Variants in UBE2Q2 observed in about 807,000 individuals in gnomAD.
UBE2Q2 encodes the protein ubiquitin conjugating enzyme E2 Q2.
A neutral mutation model predicts 59.9 loss-of-function variants in UBE2Q2; 54 were observed. That is an observed-to-expected ratio of 0.90 (90% CI 0.72 to 1.13). The LOEUF is 1.13. UBE2Q2 is among the 50% of genes most tolerant of loss of function. The pLI is 0.00. For synonymous variants in UBE2Q2, 165 were observed against 155.2 expected, an observed-to-expected ratio of 1.06 and a Z score of -0.47; for missense variants, 433 against 441.9, an observed-to-expected ratio of 0.98 and a Z score of 0.18.
intron 7 of UBE2Q2, 24 bp downstream of exon 7, chr15:75,878,045 C>T (rs1412354284): frequency 1.2e-6 from 2 of 1,604,430 alleles, no homozygotes; most frequent in Non-Finnish European, 1.7e-6. Flanking sequence ...TAATGCTCAC[C>T]CACTCTTTGC....
chr15:75,877,154 T>A (rs2141628573), intron 6 of UBE2Q2, among the ~76,000 whole-genome samples: 1 of 67,998 alleles, frequency 1.5e-5, no homozygotes, highest in East Asian at 4.0e-4. Flanking sequence ...AGAGTGAGAC[T>A]CTGTCAAAAA....
At chr15:75,875,198 G>C (rs553401339) in intron 5 of UBE2Q2, among the ~76,000 whole-genome samples, 4 of 152,222 alleles carry the variant, frequency 2.6e-5, no homozygotes, top group African/African-American at 9.6e-5. Context: ...TTCACATTTA[G>C]TCTTCATAGC....
Position 75,876,328 on chromosome 15 carries a change from A to G in UBE2Q2, c.673+57A>G, listed in dbSNP as rs1032220285. On this transcript the variant is annotated intron_variant, in intron 6 of 12. Transcript: ENST00000267938. ...GATTCTTCTGCTCTTTTCTATTGTC[A>G]GATTATAAATGTCATTTCTTAAAAC... is the stretch of plus-strand genomic sequence containing the variant. The G allele has an allele frequency of 6.9e-6, 10 of 1,440,264 alleles. No homozygotes were observed. In the Admixed American group the frequency reaches 1.5e-4, roughly 22 times the overall value. 89.2% of individuals were successfully genotyped at this position (1,440,264 alleles called of 1,614,324 possible).
In UBE2Q2 at chr15:75,899,500, G is replaced by C; in HGVS notation, c.*42G>C. On this transcript the variant is annotated 3_prime_UTR_variant, in exon 13 of 13. Coordinates refer to ENST00000267938, the MANE Select transcript of UBE2Q2 (RefSeq NM_173469.4). ...ATGTTTGGACTAATGTTGCTTTAAA[G>C]AAAATCTTTCTAACATGCAGACAAA... 1 of 1,556,224 alleles carries C rather than the reference G, an allele frequency of 6.4e-7. No homozygotes were observed. The highest frequency in any genetic ancestry group is 1.2e-5 in the South Asian group (1 of 84,332).
rs374172432 is a variant in UBE2Q2, at chr15:75,843,642, C to T, written c.-25C>T. On this transcript the variant is annotated 5_prime_UTR_variant, in exon 1 of 13. Transcript: ENST00000267938. ...TCCGCGCCCGGCTCCCCTTCCGCGC[C>T]CCTCCCGCCGGAGATGAGGGGAAGA... 3.0e-4 allele frequency: 470 copies of T among 1,571,108 alleles called. 1 individual carries two copies. In the African/African-American group the frequency reaches 4.7e-3, roughly 16 times the overall value.
At chr15:75,860,303 T>C (rs1338747917) in intron 3 of UBE2Q2, among the ~76,000 whole-genome samples, 1 of 152,216 alleles carries the variant, frequency 6.6e-6, no homozygotes, top group Non-Finnish European at 1.5e-5. Context: ...CCTAGCAATG[T>C]CATCTCCTTA....
chr15:75,889,695 A>G (rs1479211894), intron 9 of UBE2Q2, among the ~76,000 whole-genome samples: 1 of 152,252 alleles, frequency 6.6e-6, no homozygotes, highest in Non-Finnish European at 1.5e-5. Flanking sequence ...AAATTACCAC[A>G]GTTTTTGTTC....
chr15:75,851,931 A>T (rs901603083), intron 1 of UBE2Q2, among the ~76,000 whole-genome samples: 3 of 152,176 alleles, frequency 2.0e-5, no homozygotes, highest in African/African-American at 7.2e-5. Flanking sequence ...GGAGTGCAGT[A>T]GCGTGATCAC....
chr15:75,862,001 C>T (rs944980197), intron 3 of UBE2Q2, among the ~76,000 whole-genome samples: 8 of 152,208 alleles, frequency 5.3e-5, no homozygotes, highest in Admixed American at 6.5e-5. Context: ...CTCATCCTCT[C>T]GGGCCTCTTC....
At chr15:75,877,173 A>AT (rs1898133897) in intron 6 of UBE2Q2, among the ~76,000 whole-genome samples, 4 of 149,142 alleles carry the variant, frequency 2.7e-5, no homozygotes, top group African/African-American at 1.0e-4. Flanking sequence ...AAAAAAAAAA[A>AT]AAAAAAAAAA....
intron 5 of UBE2Q2, among the ~76,000 whole-genome samples, chr15:75,875,228 G>T (rs1321757671): frequency 1.3e-5 from 2 of 152,148 alleles, no homozygotes; most frequent in Non-Finnish European, 2.9e-5. Flanking sequence ...AAATAGGTAT[G>T]CTTCATATTT....
chr15:75,888,346 A>C (rs1898905799), intron 9 of UBE2Q2, among the ~76,000 whole-genome samples: 1 of 152,206 alleles, frequency 6.6e-6, no homozygotes, highest in Non-Finnish European at 1.5e-5. Flanking sequence ...AGAATCATAT[A>C]AAATGTGGCT....
chr15:75,899,145 G>T (rs545216158), intron 12 of UBE2Q2, among the ~76,000 whole-genome samples: 1 of 150,216 alleles, frequency 6.7e-6, no homozygotes, highest in South Asian at 2.1e-4. Flanking sequence ...GCATAGTGGC[G>T]CATGCCTATA....
At chr15:75,877,844 C>A (rs1898171552) in intron 6 of UBE2Q2, 117 bp from the exon 7 acceptor site, 1 of 771,732 alleles carries the variant, frequency 1.3e-6, no homozygotes, top group Non-Finnish European at 2.1e-6. Context: ...CTTAGTTGTT[C>A]CATGTTTTAA....
intron 1 of UBE2Q2, 99 bp downstream of exon 1, chr15:75,843,945 G>A: frequency 7.1e-7 from 1 of 1,417,610 alleles, no homozygotes; most frequent in Non-Finnish European, 9.2e-7. Flanking sequence ...AGAGGCTCCG[G>A]CTCCCCGGGC....
At position 75,850,243 on chromosome 15, in the gene UBE2Q2, T is replaced by C. The variant is rs572702967; in HGVS notation, c.181-4143T>C. Among the ~76,000 whole-genome samples, 174 of 152,346 alleles carry C rather than the reference T, an allele frequency of 1.1e-3. 5 individuals are homozygous for C. The South Asian group carries it at 0.032, about 28-fold the overall frequency. On this transcript the variant is annotated intron_variant, in intron 1 of 12. Coordinates refer to ENST00000267938, the MANE Select transcript of UBE2Q2 (RefSeq NM_173469.4). ...GAAATTTAGTCAAAACTAGGAGATA[T>C]GATTCTACCACTCAGAATATACCAC...
intron 8 of UBE2Q2, among the ~76,000 whole-genome samples, chr15:75,881,420 G>T (rs2141643255): frequency 6.6e-6 from 1 of 152,178 alleles, no homozygotes; most frequent in East Asian, 1.9e-4. Context: ...CGATCTGGGA[G>T]GTAAATGGCT....
Position 75,899,877 on chromosome 15 carries a change from T to C in UBE2Q2, c.*419T>C, listed in dbSNP as rs939176416. ...ATACAGGTTTAATCGATGTTCAATA[T>C]TGGTTTAGGAAATTTAAGGCCTTCT... On this transcript the variant is annotated 3_prime_UTR_variant, in exon 13 of 13. Transcript: ENST00000267938. 5 of 153,312 alleles carry C rather than the reference T, an allele frequency of 3.3e-5. No individual in the cohort carries two copies. Among genetic ancestry groups the C allele is most frequent in the African/African-American group, 1.2e-4 (5 of 41,616 alleles). The allele number at this position is 153,312 out of a possible 1,614,324, so 9.5% of individuals were successfully genotyped here.
chr15:75,864,607 TAA>T (rs34148087), intron 3 of UBE2Q2, among the ~76,000 whole-genome samples: 48 of 134,624 alleles, frequency 3.6e-4, no homozygotes, highest in African/African-American at 7.9e-4. Context: ...CTGTAGATTC[TAA>T]AAAAAAAAAA....
Sources: gnomAD v4.1 joint callset for allele counts (sites outside exome capture counted in the v4.1 genomes callset) on GRCh38, gnomAD v4.1.1 for gene constraint, MANE v1.5 for transcripts, NCBI Gene and HGNC (gene_info 2026-07-23, HGNC 2026-07-21) for gene names.